The following HELZ variants were observed in gnomAD, a reference collection of about 807,000 sequenced individuals.
HELZ encodes ATP-dependent RNA helicase with zinc finger domain.
HELZ carries 23 observed loss-of-function variants against 218.2 expected under a neutral mutation model. The observed-to-expected ratio is 0.11, with a 90% confidence interval of 0.08 to 0.15. HELZ has a LOEUF of 0.15. Among genes scored for constraint, HELZ ranks in the 10% least tolerant of loss-of-function variants. The pLI is 1.00. For missense variants in HELZ, 1,813 were observed against 2,353.7 expected (o/e 0.77, Z 4.75); for synonymous variants, 814 against 829.4 (o/e 0.98, Z 0.32).
chr17:67,204,470 A>G (rs1210207528), intron 5 of HELZ, among the ~76,000 whole-genome samples: 3 of 152,138 alleles, frequency 2.0e-5, no homozygotes, highest in Non-Finnish European at 4.4e-5. Flanking sequence ...TTTTGCCCTC[A>G]GCACATTCAG....
At chr17:67,089,694 G>GAGAGAGACAGAGAGACAGAGAGAC (rs60975443) in intron 31 of HELZ, among the ~76,000 whole-genome samples, 9 of 100,696 alleles carry the variant, frequency 8.9e-5, no homozygotes, top group African/African-American at 3.7e-4. Context: ...GAGAGAGAGA[G>GAGAGAGACAGAGAGACAGAGAGAC]AGAGAGACAG....
At chr17:67,199,194 T>A (rs1392929705) in intron 7 of HELZ, among the ~76,000 whole-genome samples, 3 of 150,882 alleles carry the variant, frequency 2.0e-5, no homozygotes, top group African/African-American at 7.3e-5. Context: ...CAAAAGTAAT[T>A]GCGATTTTGC....
chr17:67,238,967 T>C (rs2041255585), intron 3 of HELZ, among the ~76,000 whole-genome samples: 1 of 152,232 alleles, frequency 6.6e-6, no homozygotes, highest in African/African-American at 2.4e-5. Flanking sequence ...TTGTTTCTAT[T>C]GATATGTTCT....
chr17:67,223,769 C>A (rs1454063415), intron 3 of HELZ, among the ~76,000 whole-genome samples: 1 of 152,162 alleles, frequency 6.6e-6, no homozygotes. Context: ...AAAAAAATAT[C>A]CAAACTTTTA....
At position 67,107,480 on chromosome 17, in the gene HELZ, C is replaced by T. The variant is rs377682179; in HGVS notation, c.4930G>A (p.Ala1644Thr). Residue 1644 changes from alanine to threonine, a missense_variant, in exon 31 of 33, where the codon GCC becomes ACC. Physicochemically the swap from Ala to Thr is moderately conservative, Grantham distance 58 (BLOSUM62 0). Around this residue, in one of 4 missense-constraint regions of HELZ, gnomAD observed 938 missense variants for 1,027.5 expected, o/e 0.91. Transcript: ENST00000358691. ...FNDNSRDIEV[A>T]SNPAFPQRLP... ...CGCTGTGGAAATGCTGGGTTGCTGG[C>T]TACTTCAATGTCTCTGCTGTTATCA... 1 of 1,614,156 alleles carries T rather than the reference C, an allele frequency of 6.2e-7. No individual in the cohort carries two copies. Among genetic ancestry groups the T allele is most frequent in the South Asian group, 1.1e-5 (1 of 91,076 alleles).
intron 28 of HELZ, 95 bp downstream of exon 28, chr17:67,114,229 G>T (rs1203258035): frequency 8.6e-6 from 7 of 814,552 alleles, no homozygotes; most frequent in Non-Finnish European, 2.2e-6. Flanking sequence ...AAGGATAAGT[G>T]TACAAAGGGA....
At chr17:67,098,334 A>AG (rs1290898889) in intron 31 of HELZ, among the ~76,000 whole-genome samples, 1 of 152,076 alleles carries the variant, frequency 6.6e-6, no homozygotes, top group Non-Finnish European at 1.5e-5. Context: ...AAAAGGGGGG[A>AG]GTTAAATGAT....
intron 31 of HELZ, among the ~76,000 whole-genome samples, chr17:67,094,396 AG>A: frequency 6.6e-6 from 1 of 151,556 alleles, no homozygotes; most frequent in East Asian, 1.9e-4. Flanking sequence ...GGTGAGAGAG[AG>A]AGAGAGAGAG....
chr17:67,220,858 C>CA (rs1326988550), intron 3 of HELZ, among the ~76,000 whole-genome samples: 1 of 145,070 alleles, frequency 6.9e-6, no homozygotes, highest in Admixed American at 6.8e-5. Context: ...CTCCCCCCCC[C>CA]CCAAAAAAAA....
rs1196873477 is a variant in HELZ, at chr17:67,073,860, A to G, written c.*4392T>C. On this transcript the variant is annotated 3_prime_UTR_variant, in exon 33 of 33. Transcript: ENST00000358691. ...GAAAGTGTGAATTTAGCAGCTTTAAAGTCTCAGCTAATAAATGTCCATCCT... is the reference window on the plus strand; with the variant it reads ...GAAAGTGTGAATTTAGCAGCTTTAAGGTCTCAGCTAATAAATGTCCATCCT... 6.6e-6 allele frequency: 1 copy of G among 152,172 alleles called. No homozygotes were observed. Among genetic ancestry groups the G allele is most frequent in the African/African-American group, 2.4e-5 (1 of 41,432 alleles). 9.4% of individuals were successfully genotyped at this position (152,172 alleles called of 1,614,324 possible).
chr17:67,184,635 C>CA (rs1272324574), intron 12 of HELZ, among the ~76,000 whole-genome samples: 1 of 151,602 alleles, frequency 6.6e-6, no homozygotes, highest in East Asian at 1.9e-4. Flanking sequence ...CTTGTCTCTA[C>CA]AAAAAAAGAC....
intron 3 of HELZ, among the ~76,000 whole-genome samples, chr17:67,220,024 G>A (rs2143314957): frequency 6.6e-6 from 1 of 152,260 alleles, no homozygotes; most frequent in Admixed American, 6.5e-5. Flanking sequence ...TGCTTTCCGT[G>A]CCTGCATCCA....
intron 28 of HELZ, 147 bp from the exon 29 acceptor site, chr17:67,109,833 A>C: frequency 1.8e-6 from 1 of 547,578 alleles, no homozygotes. Context: ...TTACTTTCTC[A>C]CAATCAAATA....
At chr17:67,208,984 GAA>G (rs1198676880) in intron 5 of HELZ, among the ~76,000 whole-genome samples, 2 of 123,476 alleles carry the variant, frequency 1.6e-5, no homozygotes, top group Non-Finnish European at 1.6e-5. Flanking sequence ...GAAGAGAAAA[GAA>G]GAGAGGCAGG....
intron 31 of HELZ, among the ~76,000 whole-genome samples, chr17:67,100,718 C>CT (rs1361584352): frequency 6.6e-6 from 1 of 151,948 alleles, no homozygotes; most frequent in African/African-American, 2.4e-5. Context: ...ACACATCACT[C>CT]TAAGAATATT....
intron 17 of HELZ, among the ~76,000 whole-genome samples, chr17:67,157,665 C>T (rs576160493): frequency 7.2e-4 from 110 of 152,190 alleles, no homozygotes; most frequent in Non-Finnish European, 1.2e-3. Context: ...ATATCCCACA[C>T]GAATTATAAG....
At chr17:67,091,586 G>A (rs965814219) in intron 31 of HELZ, among the ~76,000 whole-genome samples, 1 of 152,138 alleles carries the variant, frequency 6.6e-6, no homozygotes, top group African/African-American at 2.4e-5. Flanking sequence ...AGATCAGAAT[G>A]ACATCATCTG....
Position 67,087,037 on chromosome 17 carries a change from G to T in HELZ, c.5286C>A (p.Ile1762=). The T allele has an allele frequency of 6.2e-7, 1 of 1,613,990 alleles. No individual in the cohort carries two copies. Among genetic ancestry groups the T allele is most frequent in the Non-Finnish European group, 8.5e-7 (1 of 1,179,916 alleles). ...AACAAGGTTGAACTGAGCTAGATGA[G>T]ATTCTTCTTTGGTACAAGGGCCGAC... ...GPGRPLYQRR[I]SSSSVQPCSE... is the part of the protein sequence containing the mutation. Residue 1762 remains isoleucine (I), a synonymous_variant, in exon 32 of 33, where the codon ATC becomes ATA. Coordinates refer to ENST00000358691, the MANE Select transcript of HELZ (RefSeq NM_014877.4).
chr17:67,141,252 T>C (rs765638160), intron 21 of HELZ, among the ~76,000 whole-genome samples: 1 of 152,184 alleles, frequency 6.6e-6, no homozygotes, highest in African/African-American at 2.4e-5. Context: ...ATGTATATAA[T>C]TGTATTGTTA....
Sources: allele counts gnomAD v4.1 joint callset (sites outside exome capture counted in the v4.1 genomes callset), GRCh38; gene constraint gnomAD v4.1.1; regional missense constraint gnomAD v4.1.1; transcripts MANE v1.5; gene names NCBI Gene and HGNC (gene_info 2026-07-23, HGNC 2026-07-21).